SCML2: variants seen among roughly 807,000 people sequenced by gnomAD.
The protein encoded by SCML2 is sex comb on midleg-like protein 2.
A neutral mutation model predicts 48.4 loss-of-function variants in SCML2; 6 were observed. The ratio of observed to expected loss-of-function variants is 0.12; its 90% confidence interval spans 0.07 to 0.24. SCML2 has a LOEUF of 0.24. Ranked by LOEUF, SCML2 falls within the 10% of genes least tolerant of loss-of-function variation. SCML2 has a pLI of 1.00. For synonymous variants in SCML2, 181 were observed against 189.5 expected, an observed-to-expected ratio of 0.95 and a Z score of 0.37; for missense variants, 377 against 528.2, an observed-to-expected ratio of 0.71 and a Z score of 2.81.
chrX:18,334,783 T>TA (rs759979863), intron 1 of SCML2, among the ~76,000 whole-genome samples: 1 of 111,963 alleles, frequency 8.9e-6, no homozygotes, highest in African/African-American at 3.2e-5. Flanking sequence ...ATAAGTGCTA[T>TA]AAAAAAATAT....
At chrX:18,310,668 T>C (rs955114490) in intron 6 of SCML2, among the ~76,000 whole-genome samples, 22 of 109,893 alleles carry the variant, frequency 2.0e-4, no homozygotes, top group African/African-American at 7.3e-4. Context: ...CAGGCTGGAC[T>C]CAAATCTCCT....
intron 14 of SCML2, 93 bp from the exon 15 acceptor site, chrX:18,241,472 C>T (rs911565400): frequency 9.7e-5 from 55 of 564,578 alleles, no homozygotes; most frequent in Non-Finnish European, 1.2e-4. Flanking sequence ...CTGTATACTC[C>T]GGATATATAT....
intron 1 of SCML2, among the ~76,000 whole-genome samples, chrX:18,353,124 C>A (rs1930424380): frequency 1.0e-5 from 1 of 97,599 alleles, no homozygotes; most frequent in African/African-American, 3.8e-5. Flanking sequence ...CACATTCCTC[C>A]CATTAAATAG....
intron 1 of SCML2, among the ~76,000 whole-genome samples, chrX:18,337,163 G>T (rs1037406967): frequency 2.9e-4 from 32 of 108,492 alleles, no homozygotes; most frequent in African/African-American, 1.0e-3. Context: ...TTAGCCAGAT[G>T]TGGTGATGTG....
At chrX:18,286,118 T>C (rs7883329) in intron 7 of SCML2, among the ~76,000 whole-genome samples, 25,571 of 110,423 alleles carry the variant, frequency 0.23, 2,346 homozygotes, top group Middle Eastern at 0.33. Flanking sequence ...ACATGTAGTT[T>C]TCAGATTTTC....
intron 6 of SCML2, among the ~76,000 whole-genome samples, chrX:18,314,787 G>A (rs1211484353): frequency 9.0e-6 from 1 of 111,513 alleles, no homozygotes. Flanking sequence ...TATATACAAT[G>A]CTATAGAAGT....
chrX:18,266,374 T>C (rs1721335839), intron 7 of SCML2, among the ~76,000 whole-genome samples: 1 of 111,549 alleles, frequency 9.0e-6, no homozygotes, highest in Admixed American at 9.6e-5. Context: ...TATACTAAAA[T>C]AGAGACTTTA....
chrX:18,349,704 A>G (rs1930311148), intron 1 of SCML2, among the ~76,000 whole-genome samples: 1 of 110,951 alleles, frequency 9.0e-6, no homozygotes, highest in South Asian at 3.8e-4. Context: ...GGCTGAGGCA[A>G]GAGAATCACT....
intron 7 of SCML2, among the ~76,000 whole-genome samples, chrX:18,294,718 T>C (rs742311): frequency 0.21 from 22,946 of 109,318 alleles, 1,894 homozygotes; most frequent in Middle Eastern, 0.31. Context: ...AGTGGCAAGA[T>C]CCCCAGCACT....
chrX:18,292,435 G>T (rs978749838), intron 7 of SCML2, among the ~76,000 whole-genome samples: 1 of 110,160 alleles, frequency 9.1e-6, no homozygotes, highest in African/African-American at 3.3e-5. Context: ...GTAAATTATG[G>T]AACAGCCATA....
At chrX:18,342,428 T>C (rs1469118191) in intron 1 of SCML2, among the ~76,000 whole-genome samples, 1 of 111,592 alleles carries the variant, frequency 9.0e-6, no homozygotes, top group Non-Finnish European at 1.9e-5. Context: ...AGACTACAGT[T>C]GGGCCGGGCG....
chrX:18,241,308 C>T lies in SCML2; in HGVS notation c.2046G>A (p.Gly682=), dbSNP rs1277421112. Reference sequence around the variant, plus strand: ...TGTAGTAACACAGCTTTAATGCTGGCCCCAGCTTCAGCCCCATATACTTCA... The same window carrying T: ...TGTAGTAACACAGCTTTAATGCTGGTCCCAGCTTCAGCCCCATATACTTCA... ...VMMKYMGLKL[G]PALKLCYYIE... The change falls in exon 15 of 15, where the codon GGG becomes GGA. Residue 682 remains glycine (G), a synonymous_variant. Transcript: ENST00000251900. 1 of 1,199,474 alleles carries T rather than the reference C, an allele frequency of 8.3e-7. No homozygotes were observed. Among genetic ancestry groups the T allele is most frequent in the Non-Finnish European group, 1.1e-6 (1 of 888,648 alleles).
intron 8 of SCML2, among the ~76,000 whole-genome samples, chrX:18,263,981 C>G (rs1927167884): frequency 9.0e-6 from 1 of 111,116 alleles, no homozygotes; most frequent in Admixed American, 9.6e-5. Flanking sequence ...CTCTGGTTTT[C>G]AACAGTTTGA....
intron 7 of SCML2, among the ~76,000 whole-genome samples, chrX:18,292,787 T>C (rs778556172): frequency 1.8e-5 from 2 of 111,585 alleles, no homozygotes; most frequent in Non-Finnish European, 3.8e-5. Context: ...AAGGTACATA[T>C]AGAAATACAT....
intron 7 of SCML2, among the ~76,000 whole-genome samples, chrX:18,268,701 G>A (rs1297200717): frequency 9.2e-6 from 1 of 108,352 alleles, no homozygotes; most frequent in Non-Finnish European, 1.9e-5. Flanking sequence ...GCACCAGCAT[G>A]GCACATGTAT....
chrX:18,239,569 A>G lies in SCML2; in HGVS notation c.*1682T>C, dbSNP rs949252783. 8.9e-6 allele frequency: 1 copy of G among 112,954 alleles called. No individual in the cohort carries two copies. Among genetic ancestry groups the G allele is most frequent in the Non-Finnish European group, 1.9e-5 (1 of 53,392 alleles). The allele number at this position is 112,954 out of a possible 1,213,427, so 9.3% of individuals were successfully genotyped here. The stretch of plus-strand genomic sequence containing the variant: ...AAATGTACATTCTTGCCCCTGGTGA[A>G]TATTTTATTGGCATTTACAACAAAT... On this transcript the variant is annotated 3_prime_UTR_variant, in exon 15 of 15. Coordinates refer to ENST00000251900, the MANE Select transcript of SCML2 (RefSeq NM_006089.3).
intron 7 of SCML2, among the ~76,000 whole-genome samples, chrX:18,270,212 G>A (rs1050173991): frequency 1.8e-5 from 2 of 109,377 alleles, no homozygotes; most frequent in Non-Finnish European, 3.8e-5. Context: ...ATTTTTAGTA[G>A]CGACTGGGTT....
At chrX:18,331,259 CAAAAAAAAA>C (rs35589774) in intron 2 of SCML2, among the ~76,000 whole-genome samples, 4 of 16,265 alleles carry the variant, frequency 2.5e-4, no homozygotes, top group Admixed American at 1.8e-3. Context: ...GACTCCGTCT[CAAAAAAAAA>C]AAAAAAAAAA....
chrX:18,299,339 C>T (rs956939752), intron 7 of SCML2, among the ~76,000 whole-genome samples: 16 of 109,702 alleles, frequency 1.5e-4, no homozygotes, highest in Non-Finnish European at 2.3e-4. Context: ...CGGTGAAATC[C>T]CATCTCTACT....
Sources: gnomAD v4.1 joint callset for allele counts (sites outside exome capture counted in the v4.1 genomes callset) on GRCh38, gnomAD v4.1.1 for gene constraint, MANE v1.5 for transcripts, NCBI Gene and HGNC (gene_info 2026-07-23, HGNC 2026-07-21) for gene names.